PRDM11: variants seen among roughly 807,000 people sequenced by gnomAD.
PRDM11 encodes PR domain-containing protein 11.
Under a neutral mutation model 97.8 loss-of-function variants are expected in PRDM11, and 20 were observed. The ratio of observed to expected loss-of-function variants is 0.20; its 90% confidence interval spans 0.14 to 0.30. The LOEUF is 0.30. Among genes scored for constraint, PRDM11 ranks in the 10% least tolerant of loss-of-function variants. PRDM11 has a pLI of 1.00. For missense variants in PRDM11, 1,139 were observed against 1,555.2 expected (o/e 0.73, Z 4.50); for synonymous variants, 599 against 637.7 (o/e 0.94, Z 0.91).
Position 45,188,603 on chromosome 11 carries a change from C to T in PRDM11, c.486+5480C>T, listed in dbSNP as rs568155794. On this transcript the variant is annotated intron_variant, in intron 4 of 7. Transcript: ENST00000683152. The stretch of plus-strand genomic sequence containing the variant: ...AGTGGTACAAGGCATGGGCCTGGGT[C>T]ATAATGGACCGAATGGCCATTTCCA... Among the ~76,000 whole-genome samples the T allele has an allele frequency of 9.2e-5, 14 of 152,378 alleles. No homozygotes were observed. The South Asian group carries it at 2.7e-3, about 29-fold the overall frequency.
At position 45,226,354 on chromosome 11, in the gene PRDM11, A is replaced by G; in HGVS notation, c.1729A>G (p.Met577Val). The G allele has an allele frequency of 6.5e-7, 1 of 1,533,976 alleles. No individual in the cohort carries two copies. The highest frequency in any genetic ancestry group is 8.7e-7 in the Non-Finnish European group (1 of 1,146,746). Residue 577 changes from methionine (M) to valine (V), a missense_variant, in exon 8 of 8, where the codon ATG (methionine) becomes GTG (valine). This residue lies in a region of PRDM11 where 710 missense variants were observed against 1,044.9 expected (regional missense o/e 0.68). Transcript: ENST00000683152. ...GTGCCTGCAACTGTACAAGCTCCGCATGCACCCGGAGAAGACAGAGGAGAT... is the reference window on the plus strand; with the variant it reads ...GTGCCTGCAACTGTACAAGCTCCGCGTGCACCCGGAGAAGACAGAGGAGAT... ...KKCLQLYKLR[M>V]HPEKTEEMCR...
At chr11:45,197,889 G>A (rs1190740761) in intron 4 of PRDM11, among the ~76,000 whole-genome samples, 2 of 152,112 alleles carry the variant, frequency 1.3e-5, no homozygotes, top group African/African-American at 4.8e-5. Flanking sequence ...GGGGAAGGGG[G>A]AGGGATAGCA....
rs1851519746 is a variant in PRDM11, at chr11:45,146,795, G to A, written c.-89G>A. The A allele has an allele frequency of 6.9e-6, 1 of 144,744 alleles. No individual in the cohort carries two copies. Among genetic ancestry groups the A allele is most frequent in the Non-Finnish European group, 1.5e-5 (1 of 64,802 alleles). 9.0% of individuals were successfully genotyped at this position (144,744 alleles called of 1,614,324 possible). On this transcript the variant is annotated 5_prime_UTR_variant, in exon 1 of 8. Coordinates refer to ENST00000683152, the MANE Select transcript of PRDM11 (RefSeq NM_001384648.1). ...GCTCCCTCCGCGGGGGCCGCCAGCC[G>A]AGGCCGCGCCGCCTCCGCCGAGCCG... is the stretch of plus-strand genomic sequence containing the variant.
intron 4 of PRDM11, among the ~76,000 whole-genome samples, chr11:45,187,638 T>TGCAGCCA (rs924718755): frequency 3.2e-4 from 48 of 152,236 alleles, no homozygotes; most frequent in African/African-American, 8.9e-4. Context: ...GGGCCTTAGC[T>TGCAGCCA]GCAGCCAGCA....
intron 1 of PRDM11, among the ~76,000 whole-genome samples, chr11:45,176,835 A>G (rs1354807238): frequency 6.6e-6 from 1 of 152,214 alleles, no homozygotes; most frequent in Non-Finnish European, 1.5e-5. Flanking sequence ...CACCTCTCAC[A>G]TGGTATACTG....
chr11:45,197,815 G>T (rs1042710234), intron 4 of PRDM11, among the ~76,000 whole-genome samples: 3 of 152,062 alleles, frequency 2.0e-5, no homozygotes, highest in Non-Finnish European at 2.9e-5. Flanking sequence ...GGTGGGAATT[G>T]AACAATGAGA....
intron 1 of PRDM11, among the ~76,000 whole-genome samples, chr11:45,158,246 G>A (rs1160683981): frequency 6.6e-6 from 1 of 152,156 alleles, no homozygotes; most frequent in East Asian, 1.9e-4. Context: ...GGTGTGCCTG[G>A]GCCTGCATGT....
At chr11:45,211,794 A>G (rs1211043956) in intron 5 of PRDM11, among the ~76,000 whole-genome samples, 2 of 151,708 alleles carry the variant, frequency 1.3e-5, no homozygotes, top group Non-Finnish European at 1.5e-5. Context: ...CACAGTGTAT[A>G]CTGCTTGGGT....
At chr11:45,186,251 A>T (rs1479601513) in intron 4 of PRDM11, among the ~76,000 whole-genome samples, 2 of 151,866 alleles carry the variant, frequency 1.3e-5, no homozygotes, top group Non-Finnish European at 2.9e-5. Context: ...CTACTAAAAT[A>T]TGCAGGGAGG....
At position 45,099,090 on chromosome 11, in the gene PRDM11, G is replaced by A. The variant is rs73462501; in HGVS notation, c.96+3189G>A. Among the ~76,000 whole-genome samples, 269 of 152,046 alleles carry A rather than the reference G, an allele frequency of 1.8e-3. 1 individual carries two copies. Among genetic ancestry groups the A allele is most frequent in the African/African-American group, 5.5e-3 (228 of 41,488 alleles). ...AAGCCAGCTGAGGGAGGGAGGGAAG[G>A]CTAGACTGGGGCAGGGGCAGTGGAG... On this transcript the variant is annotated intron_variant, in intron 1 of 6. Coordinates refer to the PRDM11 transcript ENST00000530656.
At chr11:45,106,296 G>T (rs904044056) in intron 1 of PRDM11, among the ~76,000 whole-genome samples, 6 of 152,102 alleles carry the variant, frequency 3.9e-5, no homozygotes, top group Non-Finnish European at 4.4e-5. Context: ...AGGCTCCCTC[G>T]CAAGCCACAC....
chr11:45,177,213 T>C (rs1416793433), intron 1 of PRDM11, among the ~76,000 whole-genome samples: 1 of 152,256 alleles, frequency 6.6e-6, no homozygotes, highest in Non-Finnish European at 1.5e-5. Context: ...TGCAGACTCC[T>C]GGGCTGCATT....
intron 1 of PRDM11, among the ~76,000 whole-genome samples, chr11:45,181,176 C>T (rs1461727330): frequency 2.0e-5 from 3 of 152,258 alleles, no homozygotes; most frequent in South Asian, 2.1e-4. Context: ...CGGTAAGCGG[C>T]GGGCTGGGGA....
chr11:45,102,408 G>A (rs553169414), intron 1 of PRDM11, among the ~76,000 whole-genome samples: 11 of 152,322 alleles, frequency 7.2e-5, no homozygotes, highest in African/African-American at 2.4e-4. Context: ...GGAGATGCTA[G>A]CTGGACACAG....
chr11:45,229,194 A>G lies in PRDM11; in HGVS notation c.*1035A>G, dbSNP rs1854347795. 1 of 151,930 alleles carries G rather than the reference A, an allele frequency of 6.6e-6. No homozygotes were observed. Among genetic ancestry groups the G allele is most frequent in the Non-Finnish European group, 1.5e-5 (1 of 67,958 alleles). The allele number at this position is 151,930 out of a possible 1,614,324, so 9.4% of individuals were successfully genotyped here. ...TATAATCATATCATGTGTTGAGGGT[A>G]TTTTTTTTCCTTTAATAATCAAGAA... On this transcript the variant is annotated 3_prime_UTR_variant, in exon 8 of 8. Coordinates refer to ENST00000683152, the MANE Select transcript of PRDM11 (RefSeq NM_001384648.1).
rs1042118469 is a variant in PRDM11 at position 45,130,786 on chromosome 11, C to G, written c.96+34885C>G. ...ACAATATACCATGAACATTTTCATC[C>G]GTCAATAACTTTTTCCATAATAGGA... On this transcript the variant is annotated intron_variant, in intron 1 of 6. Coordinates refer to the PRDM11 transcript ENST00000530656. Among the ~76,000 whole-genome samples the G allele has an allele frequency of 2.6e-5, 4 of 152,222 alleles. No homozygotes were observed. In the East Asian group the frequency reaches 5.8e-4, roughly 22 times the overall value.
At chr11:45,163,112 G>T (rs1035286123) in intron 1 of PRDM11, among the ~76,000 whole-genome samples, 2 of 152,156 alleles carry the variant, frequency 1.3e-5, no homozygotes, top group Non-Finnish European at 2.9e-5. Flanking sequence ...GCTCAGCTGT[G>T]TGCCCCCGGG....
At chr11:45,146,039 T>C (rs76748386), upstream of PRDM11, among the ~76,000 whole-genome samples, 19,285 of 152,256 alleles carry the variant, frequency 0.13, 1,608 homozygotes, top group Admixed American at 0.25. Flanking sequence ...ATATTTTGAC[T>C]TGAAGAACAT....
chr11:45,199,105 T>C lies in PRDM11; in HGVS notation c.487-5606T>C, dbSNP rs147556915. 3.7e-3 allele frequency among the ~76,000 whole-genome samples: 569 copies of C among 152,344 alleles called. 4 individuals carry two copies. Among genetic ancestry groups the C allele is most frequent in the African/African-American group, 0.013 (541 of 41,584 alleles). On this transcript the variant is annotated intron_variant, in intron 4 of 7. Coordinates refer to ENST00000683152, the MANE Select transcript of PRDM11 (RefSeq NM_001384648.1). ...ATTATTACCATGGTCTAAAATAGCATGTGGATCCACCTGGACCATGCTTCG... is the reference window on the plus strand; with the variant it reads ...ATTATTACCATGGTCTAAAATAGCACGTGGATCCACCTGGACCATGCTTCG...
Sources: allele counts gnomAD v4.1 joint callset (sites outside exome capture counted in the v4.1 genomes callset), GRCh38; gene constraint gnomAD v4.1.1; regional missense constraint gnomAD v4.1.1; transcripts MANE v1.5; gene names NCBI Gene and HGNC (gene_info 2026-07-23, HGNC 2026-07-21).